Variants in R3HDML observed in about 807,000 individuals in gnomAD.
The protein encoded by R3HDML is peptidase inhibitor R3HDML.
Under a neutral mutation model 24.2 loss-of-function variants are expected in R3HDML, and 21 were observed. The observed-to-expected ratio is 0.87, with a 90% CI of 0.62 to 1.25. The LOEUF (loss-of-function observed/expected upper bound fraction) is 1.25, where lower values mean the gene tolerates loss of function less well. Among genes scored for constraint, R3HDML ranks in the 50% most tolerant of loss-of-function variants. R3HDML has a pLI of 0.00. For synonymous variants in R3HDML, 133 were observed against 131.5 expected (o/e 1.01, Z -0.08); for missense variants, 301 against 340.3 (o/e 0.88, Z 0.91).
At chr20:44,346,234 A>C (rs1294593444) in intron 4 of R3HDML, among the ~76,000 whole-genome samples, 3 of 151,888 alleles carry the variant, frequency 2.0e-5, no homozygotes, top group Non-Finnish European at 4.4e-5. Flanking sequence ...AACCCTCCTC[A>C]CTTCAGCCTC....
Position 44,337,557 on chromosome 20 carries a change from T to C in R3HDML, c.261+139T>C. On this transcript the variant is annotated intron_variant, in intron 1 of 4. Transcript: ENST00000217043. The surrounding 1 kb of genome is among the most constrained non-coding windows in gnomAD (Gnocchi z 4.7). ...GGCCCCACTAGCCAGTATCTGGGTG[T>C]CGACCTGTGGAAAGGGCAGGAGTTA... 1 of 905,926 alleles carries C rather than the reference T, an allele frequency of 1.1e-6. No individual in the cohort carries two copies. Among genetic ancestry groups the C allele is most frequent in the Non-Finnish European group, 1.7e-6 (1 of 600,176 alleles). 56.1% of individuals were successfully genotyped at this position (905,926 alleles called of 1,614,324 possible). A position where few individuals can be genotyped will look rare whatever the true frequency, so the allele number is the denominator to read the frequency against.
intron 2 of R3HDML, 28 bp from the exon 3 acceptor site, chr20:44,343,349 G>A (rs762177182): frequency 9.0e-5 from 144 of 1,606,922 alleles, no homozygotes; most frequent in Non-Finnish European, 1.1e-4. Flanking sequence ...CTCTCACCCA[G>A]CTTCTTCCGT....
At chr20:44,346,489 G>A (rs2062787438) in intron 4 of R3HDML, among the ~76,000 whole-genome samples, 1 of 152,214 alleles carries the variant, frequency 6.6e-6, no homozygotes, top group African/African-American at 2.4e-5. Flanking sequence ...GAAAGACAGT[G>A]TTGCTGAAGT....
At chr20:44,342,264 A>G (rs2062774161) in intron 2 of R3HDML, among the ~76,000 whole-genome samples, 1 of 152,166 alleles carries the variant, frequency 6.6e-6, no homozygotes, top group East Asian at 1.9e-4. Context: ...CACCCCGGGG[A>G]GAGTGGGAAA....
At chr20:44,340,576 T>C (rs918374925) in intron 1 of R3HDML, among the ~76,000 whole-genome samples, 1 of 152,132 alleles carries the variant, frequency 6.6e-6, no homozygotes, top group African/African-American at 2.4e-5. Context: ...AGGTGAATTG[T>C]TTGAGGCCAG....
intron 4 of R3HDML, among the ~76,000 whole-genome samples, chr20:44,348,865 G>A (rs184441882): frequency 1.1e-4 from 16 of 152,106 alleles, no homozygotes; most frequent in Non-Finnish European, 2.4e-4. Context: ...AAAATATAAT[G>A]TGAGGCCAGG....
intron 4 of R3HDML, among the ~76,000 whole-genome samples, chr20:44,348,868 A>AGGCCAGGTGTGGTGG (rs1215216634): frequency 6.6e-6 from 1 of 152,052 alleles, no homozygotes; most frequent in Non-Finnish European, 1.5e-5. Context: ...ATATAATGTG[A>AGGCCAGGTGTGGTGG]GGCCAGGTGT....
rs1166978045 is a variant in R3HDML, at chr20:44,339,060, T to C, written c.261+1642T>C. On this transcript the variant is annotated intron_variant, in intron 1 of 4. Transcript: ENST00000217043. ...CCTGGATGACAAGAGTGAAACTCTA[T>C]CTAAAAAAAAAAAAAAAAAAAAAAT... is the stretch of plus-strand genomic sequence containing the variant. Among the ~76,000 whole-genome samples, 5 of 125,032 alleles carry C rather than the reference T, an allele frequency of 4.0e-5. No homozygotes were observed. The East Asian group carries it at 1.1e-3, about 27-fold the overall frequency. 82.0% of individuals were successfully genotyped at this position (125,032 alleles called of 152,430 possible). A position where few individuals can be genotyped will look rare whatever the true frequency, so the allele number is the denominator to read the frequency against.
chr20:44,337,417 T>C lies in R3HDML; in HGVS notation c.260T>C (p.Met87Thr). ...CCACCTGCCGCCAACATGGAATACA[T>C]GGTGAGTCCCCGTACCTGCCCCCCA... Reference protein sequence around the residue: ...VYPPAANMEYMVWDKRLARAA... With the variant: ...VYPPAANMEYTVWDKRLARAA... The change falls in exon 1 of 5, where the codon ATG becomes ACG. Residue 87 changes from methionine (M) to threonine (T), a missense_variant and splice_region_variant. Coordinates refer to ENST00000217043, the MANE Select transcript of R3HDML (RefSeq NM_178491.4). This position sits in a 1 kb window ranked among gnomAD's most constrained non-coding sequence, Gnocchi z 4.7. 1.9e-6 allele frequency: 3 copies of C among 1,612,170 alleles called. No homozygotes were observed. In the South Asian group the frequency reaches 3.3e-5, roughly 18 times the overall value.
chr20:44,343,375 A>G lies in R3HDML; in HGVS notation c.381-2A>G, dbSNP rs1427620893. On this transcript the variant is annotated splice_acceptor_variant, in intron 2 of 4. Transcript: ENST00000217043. LOFTEE classifies it high-confidence loss of function. Reference sequence around the variant, plus strand: ...CTTCTTCCGTGTCCCCCGCCTCCCCAGGTACCGGTCCGTAGTGGATCTCAT... The same window carrying G: ...CTTCTTCCGTGTCCCCCGCCTCCCCGGGTACCGGTCCGTAGTGGATCTCAT... 13 of 1,607,572 alleles carry G rather than the reference A, an allele frequency of 8.1e-6. No individual in the cohort carries two copies. Among genetic ancestry groups the G allele is most frequent in the African/African-American group, 1.3e-5 (1 of 74,602 alleles).
At position 44,350,838 on chromosome 20, in the gene R3HDML, A is replaced by G; in HGVS notation, c.*46A>G. The G allele has an allele frequency of 6.2e-7, 1 of 1,604,912 alleles. No individual in the cohort carries two copies. Among genetic ancestry groups the G allele is most frequent in the Non-Finnish European group, 8.5e-7 (1 of 1,175,776 alleles). On this transcript the variant is annotated 3_prime_UTR_variant, in exon 5 of 5. Coordinates refer to ENST00000217043, the MANE Select transcript of R3HDML (RefSeq NM_178491.4). ...CGCCTCCAGCTGGGCCTGACCCTCC[A>G]TGTCCTGCCCTCAAAAAACTGGGTG...
intron 4 of R3HDML, among the ~76,000 whole-genome samples, 197 bp from the exon 5 acceptor site, chr20:44,350,463 G>A (rs2062806539): frequency 6.7e-6 from 1 of 150,112 alleles, no homozygotes; most frequent in South Asian, 2.1e-4. Context: ...CAAGGCTGCA[G>A]TGAGCTATGG....
At chr20:44,348,468 CTCCTTTTCCCTTTCTCCTT>C (rs2062795913) in intron 4 of R3HDML, among the ~76,000 whole-genome samples, 3 of 128,634 alleles carry the variant, frequency 2.3e-5, no homozygotes, top group Non-Finnish European at 5.5e-5. Context: ...TTTCCCCTTT[CTCCTTTTCCCTTTCTCCTT>C]TCCTTTCCTT....
chr20:44,343,659 C>A, intron 3 of R3HDML, 150 bp downstream of exon 3: 1 of 821,694 alleles, frequency 1.2e-6, no homozygotes, highest in Non-Finnish European at 1.8e-6. Context: ...AAGTTGTGTG[C>A]ACAATGAATT....
rs1246585778 is a variant in R3HDML, at chr20:44,350,681, C to T, written c.651C>T (p.Ser217=). The part of the protein sequence containing the change: ...YAIKGNWIGE[S]PYKMGKPCSS... Reference sequence around the variant, plus strand: ...CCAGGGGCAACTGGATTGGCGAGTCCCCGTACAAGATGGGAAAGCCGTGCT... The same window carrying T: ...CCAGGGGCAACTGGATTGGCGAGTCTCCGTACAAGATGGGAAAGCCGTGCT... The change falls in exon 5 of 5, where the codon TCC becomes TCT. Residue 217 remains serine, a synonymous_variant. Coordinates refer to ENST00000217043, the MANE Select transcript of R3HDML (RefSeq NM_178491.4). The T allele has an allele frequency of 6.2e-7, 1 of 1,613,692 alleles. No homozygotes were observed. The highest frequency in any genetic ancestry group is 8.5e-7 in the Non-Finnish European group (1 of 1,179,894).
At chr20:44,338,468 G>A (rs1406144295) in intron 1 of R3HDML, among the ~76,000 whole-genome samples, 1 of 152,134 alleles carries the variant, frequency 6.6e-6, no homozygotes, top group Non-Finnish European at 1.5e-5. Context: ...GGAGGGGCGG[G>A]AATAAGAGCC....
chr20:44,348,605 A>G (rs1174495008), intron 4 of R3HDML, among the ~76,000 whole-genome samples: 2 of 151,946 alleles, frequency 1.3e-5, no homozygotes, highest in Non-Finnish European at 2.9e-5. Context: ...GGTTCGAGCA[A>G]TCCTCACACC....
chr20:44,343,448 G>C lies in R3HDML; in HGVS notation c.452G>C (p.Arg151Thr), dbSNP rs2062777518. 6.2e-7 allele frequency: 1 copy of C among 1,613,168 alleles called. No individual in the cohort carries two copies. Among genetic ancestry groups the C allele is most frequent in the Non-Finnish European group, 8.5e-7 (1 of 1,179,628 alleles). ...EKWHYLFPAP[R>T]DCNPHCPWRC... Reference sequence around the variant, plus strand: ...TGGCATTACTTGTTTCCGGCCCCAAGGGACTGTAACCCACACTGCCCCTGG... The same window carrying C: ...TGGCATTACTTGTTTCCGGCCCCAACGGACTGTAACCCACACTGCCCCTGG... Residue 151 changes from arginine (R) to threonine (T), a missense_variant, in exon 3 of 5, where the codon AGG becomes ACG. Coordinates refer to ENST00000217043, the MANE Select transcript of R3HDML (RefSeq NM_178491.4).
chr20:44,347,706 A>G (rs1341258510), intron 4 of R3HDML: 3 of 152,216 alleles, frequency 2.0e-5, no homozygotes, highest in African/African-American at 7.2e-5. Flanking sequence ...TAATTTACCA[A>G]ATGTCACAAA....
Sources: gnomAD v4.1 joint callset for allele counts (sites outside exome capture counted in the v4.1 genomes callset) on GRCh38, gnomAD v4.1.1 for gene constraint, Gnocchi (gnomAD v3.1) non-coding constraint, MANE v1.5 for transcripts, NCBI Gene and HGNC (gene_info 2026-07-23, HGNC 2026-07-21) for gene names.